Variants in GDI2 observed in about 807,000 individuals in gnomAD.
The protein encoded by GDI2 is GDP dissociation inhibitor 2.
Under a neutral mutation model 54.2 loss-of-function variants are expected in GDI2, and 22 were observed. The observed-to-expected ratio is 0.41, with a 90% CI of 0.29 to 0.58. The LOEUF (loss-of-function observed/expected upper bound fraction) is 0.58. GDI2 is among the 20% of genes least tolerant of loss of function. The pLI is 0.35. For missense variants in GDI2, 422 were observed against 546.0 expected, an observed-to-expected ratio of 0.77 and a Z score of 2.26; for synonymous variants, 177 against 182.1, an observed-to-expected ratio of 0.97 and a Z score of 0.23.
intron 2 of GDI2, among the ~76,000 whole-genome samples, chr10:5,797,816 T>C (rs1343296132): frequency 6.6e-6 from 1 of 152,194 alleles, no homozygotes; most frequent in African/African-American, 2.4e-5. Context: ...TATGCAGAAC[T>C]AGGGTGTCAC....
At chr10:5,772,014 C>G (rs575252295) in intron 7 of GDI2, among the ~76,000 whole-genome samples, 1 of 151,922 alleles carries the variant, frequency 6.6e-6, no homozygotes, top group Admixed American at 6.6e-5. Context: ...CACTTGAACC[C>G]GGAAGGCAGA....
At chr10:5,791,450 A>C (rs1841010636) in intron 4 of GDI2, among the ~76,000 whole-genome samples, 1 of 152,176 alleles carries the variant, frequency 6.6e-6, no homozygotes. Context: ...TCTCTACTAA[A>C]ACATACAAAA....
At chr10:5,796,286 T>C (rs190225088) in intron 3 of GDI2, among the ~76,000 whole-genome samples, 116 of 150,724 alleles carry the variant, frequency 7.7e-4, no homozygotes, top group African/African-American at 2.8e-3. Context: ...AAGGCGGAGG[T>C]TGTAGTGAGC....
intron 3 of GDI2, among the ~76,000 whole-genome samples, chr10:5,796,542 T>C (rs1415792433): frequency 6.6e-6 from 1 of 152,184 alleles, no homozygotes; most frequent in Non-Finnish European, 1.5e-5. Context: ...TGCCACAGCA[T>C]CATTTGTTTC....
chr10:5,787,569 T>G (rs1051790079), intron 4 of GDI2, among the ~76,000 whole-genome samples: 13 of 152,278 alleles, frequency 8.5e-5, no homozygotes, highest in Admixed American at 4.6e-4. Flanking sequence ...TTTTTAAAAT[T>G]AAGATTTACA....
intron 8 of GDI2, among the ~76,000 whole-genome samples, chr10:5,767,141 C>CTG (rs1451414193): frequency 6.6e-6 from 1 of 151,938 alleles, no homozygotes; most frequent in Non-Finnish European, 1.5e-5. Context: ...ATCCAGTTAA[C>CTG]TGTGTCATTT....
At chr10:5,788,823 C>T (rs989237525) in intron 4 of GDI2, among the ~76,000 whole-genome samples, 3 of 151,846 alleles carry the variant, frequency 2.0e-5, no homozygotes, top group African/African-American at 7.3e-5. Flanking sequence ...TGCGCAGTGG[C>T]GCGATTTCGG....
chr10:5,801,196 T>A (rs1841263247), intron 1 of GDI2, among the ~76,000 whole-genome samples: 1 of 151,856 alleles, frequency 6.6e-6, no homozygotes, highest in Non-Finnish European at 1.5e-5. Context: ...CAGGTGATCC[T>A]CCCGCCTCAG....
chr10:5,776,553 T>G lies in GDI2; in HGVS notation c.720-2612A>C, dbSNP rs1252845547. 6.4e-7 allele frequency: 1 copy of G among 1,565,996 alleles called. No homozygotes were observed. The highest frequency in any genetic ancestry group is 1.4e-5 in the African/African-American group (1 of 73,830). The stretch of plus-strand genomic sequence containing the variant: ...GCAGATTTGAAGAGGCATGTGGAAT[T>G]CCTTGTGGCTGAGAATGAAAGATTA... On this transcript the variant is annotated intron_variant, in intron 6 of 10. Coordinates refer to ENST00000380191, the MANE Select transcript of GDI2 (RefSeq NM_001494.4). This position sits in a 1 kb window ranked among gnomAD's most constrained non-coding sequence, Gnocchi z 5.3.
At chr10:5,771,668 A>G (rs1389793072) in intron 7 of GDI2, among the ~76,000 whole-genome samples, 1 of 151,976 alleles carries the variant, frequency 6.6e-6, no homozygotes, top group Admixed American at 6.6e-5. Flanking sequence ...CCTAAGAAAA[A>G]CTTGAATTGC....
intron 1 of GDI2, among the ~76,000 whole-genome samples, chr10:5,810,600 A>G (rs1841464194): frequency 6.6e-6 from 1 of 152,244 alleles, no homozygotes. Context: ...TGGCTTCACC[A>G]TGTTACAGCA....
intron 1 of GDI2, among the ~76,000 whole-genome samples, chr10:5,809,153 G>A (rs1841438225): frequency 6.6e-6 from 1 of 150,904 alleles, no homozygotes; most frequent in Non-Finnish European, 1.5e-5. Context: ...GCTGAGACAG[G>A]AGAACTGCTT....
At chr10:5,805,955 T>C (rs939364330) in intron 1 of GDI2, among the ~76,000 whole-genome samples, 7 of 152,222 alleles carry the variant, frequency 4.6e-5, no homozygotes, top group Admixed American at 2.0e-4. Context: ...CTTCTCCATT[T>C]TACTCCTGGT....
chr10:5,811,196 A>G (rs550993715), intron 1 of GDI2, among the ~76,000 whole-genome samples: 1 of 152,310 alleles, frequency 6.6e-6, no homozygotes, highest in South Asian at 2.1e-4. Flanking sequence ...CAATGATGGT[A>G]ATAATGTGAT....
chr10:5,806,359 A>AGCCCAAGAGTTCAACACC (rs1554790741), intron 1 of GDI2, among the ~76,000 whole-genome samples: 1 of 150,992 alleles, frequency 6.6e-6, no homozygotes, highest in Non-Finnish European at 1.5e-5. Context: ...AGAATCGCTT[A>AGCCCAAGAGTTCAACACC]AGCCCAGGTA....
At chr10:5,803,348 C>T (rs1476510204) in intron 1 of GDI2, among the ~76,000 whole-genome samples, 1 of 152,034 alleles carries the variant, frequency 6.6e-6, no homozygotes, top group Admixed American at 6.6e-5. Flanking sequence ...TACTTGAACC[C>T]ATGAGGGCAA....
In GDI2 at chr10:5,813,225, T is replaced by C; in HGVS notation, c.34A>G (p.Thr12Ala). 2 of 1,589,822 alleles carry C rather than the reference T, an allele frequency of 1.3e-6. No individual in the cohort carries two copies. The highest frequency in any genetic ancestry group is 8.5e-7 in the Non-Finnish European group (1 of 1,170,644). The change falls in exon 1 of 11, where the codon ACC (threonine) becomes GCC (alanine). Residue 12 changes from threonine (T) to alanine (A), a missense_variant. By Grantham distance (58) the Thr-to-Ala change is moderately conservative (BLOSUM62 0). Coordinates refer to ENST00000380191, the MANE Select transcript of GDI2 (RefSeq NM_001494.4). The part of the protein sequence containing the change: ...NEEYDVIVLG[T>A]GLTECILSGI... ...GCCCTGGCGCCCACCGTCAGGCCGG[T>C]GCCCAGCACGATCACGTCGTACTCC...
chr10:5,768,463 C>A lies in GDI2; in HGVS notation c.820-79G>T. On this transcript the variant is annotated intron_variant, in intron 7 of 10. Coordinates refer to ENST00000380191, the MANE Select transcript of GDI2 (RefSeq NM_001494.4). This position sits in a 1 kb window ranked among gnomAD's most constrained non-coding sequence, Gnocchi z 4.4. ...CATCCCATGTTCATAGTTTGGAAGA[C>A]TTAGTATTGTTAAGATATCAAAAAC... 1.1e-6 allele frequency: 1 copy of A among 918,230 alleles called. No homozygotes were observed. The allele number at this position is 918,230 out of a possible 1,614,324, so 56.9% of individuals were successfully genotyped here.
In GDI2 at chr10:5,765,928, TTACA is replaced by T. The variant is rs1840313778; in HGVS notation, c.*74_*77del. 2 of 1,046,018 alleles carry T rather than the reference TTACA, an allele frequency of 1.9e-6. No individual in the cohort carries two copies. The highest frequency in any genetic ancestry group is 2.8e-6 in the Non-Finnish European group (2 of 715,668). 64.8% of individuals were successfully genotyped at this position (1,046,018 alleles called of 1,614,324 possible). On this transcript the variant is annotated 3_prime_UTR_variant, in exon 11 of 11. Coordinates refer to ENST00000380191, the MANE Select transcript of GDI2 (RefSeq NM_001494.4). ...TCCATTTTCATTACAAAAGCAGGCC[TTACA>T]ATATTGATTTCATTATATGCATTAT...
Sources: allele counts gnomAD v4.1 joint callset (sites outside exome capture counted in the v4.1 genomes callset), GRCh38; gene constraint gnomAD v4.1.1; non-coding constraint Gnocchi (gnomAD v3.1); transcripts MANE v1.5; gene names NCBI Gene and HGNC (gene_info 2026-07-23, HGNC 2026-07-21).